The following CPNE8 variants were observed in gnomAD, a reference collection of about 807,000 sequenced individuals.
The protein encoded by CPNE8 is copine 8.
A neutral mutation model predicts 81.5 loss-of-function variants in CPNE8; 45 were observed. That is an observed-to-expected ratio of 0.55 (90% CI 0.44 to 0.71). The LOEUF (loss-of-function observed/expected upper bound fraction) is 0.71, where lower values mean the gene tolerates loss of function less well. Ranked by LOEUF, CPNE8 falls within the 30% of genes least tolerant of loss-of-function variation. The pLI is 0.00. For missense variants in CPNE8, 594 were observed against 672.1 expected (o/e 0.88, Z 1.28); for synonymous variants, 252 against 226.3 (o/e 1.11, Z -1.02).
At chr12:38,788,461 C>G (rs893534715) in intron 6 of CPNE8, among the ~76,000 whole-genome samples, 7 of 151,778 alleles carry the variant, frequency 4.6e-5, no homozygotes, top group African/African-American at 1.7e-4. Context: ...CATATTTCAA[C>G]ATAATAAAAG....
At chr12:38,773,706 A>G (rs1941859457) in intron 7 of CPNE8, among the ~76,000 whole-genome samples, 1 of 152,188 alleles carries the variant, frequency 6.6e-6, no homozygotes, top group Non-Finnish European at 1.5e-5. Flanking sequence ...TGCATTCAAC[A>G]TTATAAATAA....
chr12:38,794,525 T>C (rs1056243426), intron 6 of CPNE8, among the ~76,000 whole-genome samples: 4 of 151,820 alleles, frequency 2.6e-5, no homozygotes, highest in African/African-American at 7.3e-5. Context: ...AAAAGTGATA[T>C]ACAAATGGCC....
intron 3 of CPNE8, among the ~76,000 whole-genome samples, chr12:38,861,327 T>C (rs1463480408): frequency 6.6e-6 from 1 of 152,178 alleles, no homozygotes; most frequent in Non-Finnish European, 1.5e-5. Context: ...AATACTGTAC[T>C]GTACACTTAA....
At chr12:38,686,834 G>T (rs1194862379) in intron 15 of CPNE8, among the ~76,000 whole-genome samples, 1 of 152,174 alleles carries the variant, frequency 6.6e-6, no homozygotes, top group Non-Finnish European at 1.5e-5. Context: ...CCCAGATTGA[G>T]TGATCCCAGA....
At chr12:38,718,804 T>C (rs1296764142) in intron 13 of CPNE8, among the ~76,000 whole-genome samples, 1 of 152,174 alleles carries the variant, frequency 6.6e-6, no homozygotes, top group Non-Finnish European at 1.5e-5. Context: ...AAAAAATGTA[T>C]GTCACTAAAG....
intron 15 of CPNE8, among the ~76,000 whole-genome samples, chr12:38,688,611 G>GTC (rs1939595970): frequency 6.6e-6 from 1 of 151,792 alleles, no homozygotes; most frequent in African/African-American, 2.4e-5. Context: ...GTGTGTGTGT[G>GTC]TGTGTGTGTG....
chr12:38,797,783 A>T (rs1309660138), intron 6 of CPNE8, among the ~76,000 whole-genome samples: 1 of 152,160 alleles, frequency 6.6e-6, no homozygotes, highest in Non-Finnish European at 1.5e-5. Flanking sequence ...CCAATGGCAA[A>T]GAAGTTAAAA....
intron 6 of CPNE8, among the ~76,000 whole-genome samples, chr12:38,809,307 C>T (rs1486987087): frequency 2.0e-5 from 3 of 152,116 alleles, no homozygotes; most frequent in African/African-American, 7.2e-5. Context: ...CTCACGGTTT[C>T]CACGTGGCCT....
intron 6 of CPNE8, among the ~76,000 whole-genome samples, chr12:38,828,848 A>C (rs1306265194): frequency 6.6e-6 from 1 of 152,174 alleles, no homozygotes; most frequent in Non-Finnish European, 1.5e-5. Flanking sequence ...AACAGAATCA[A>C]CTCATGCAAT....
intron 10 of CPNE8, among the ~76,000 whole-genome samples, chr12:38,734,090 A>G (rs946721364): frequency 3.3e-5 from 5 of 152,006 alleles, no homozygotes; most frequent in Non-Finnish European, 7.4e-5. Flanking sequence ...TTCCTATATT[A>G]TATTAAACCC....
At chr12:38,828,040 G>A (rs1371630765) in intron 6 of CPNE8, among the ~76,000 whole-genome samples, 2 of 152,078 alleles carry the variant, frequency 1.3e-5, no homozygotes, top group Non-Finnish European at 1.5e-5. Context: ...TCTGTTGCTT[G>A]GAAATGAAAA....
intron 16 of CPNE8, among the ~76,000 whole-genome samples, chr12:38,677,928 T>C (rs919147268): frequency 6.6e-6 from 1 of 152,116 alleles, no homozygotes; most frequent in African/African-American, 2.4e-5. Flanking sequence ...TGAAAGTTAT[T>C]TTCTTAGCTT....
intron 6 of CPNE8, among the ~76,000 whole-genome samples, chr12:38,828,670 T>C (rs947318672): frequency 6.6e-6 from 1 of 152,170 alleles, no homozygotes; most frequent in Admixed American, 6.5e-5. Context: ...GCTTTTGAGA[T>C]TGTGGTTAAC....
At chr12:38,710,265 T>TACCAA (rs1555145896) in intron 13 of CPNE8, among the ~76,000 whole-genome samples, 1 of 1,446 alleles carries the variant, frequency 6.9e-4, no homozygotes, top group East Asian at 0.015. Flanking sequence ...CAAAATAAGC[T>TACCAA]AACAAAAAAA....
At chr12:38,794,797 T>A (rs896112789) in intron 6 of CPNE8, among the ~76,000 whole-genome samples, 13 of 152,182 alleles carry the variant, frequency 8.5e-5, no homozygotes, top group African/African-American at 3.1e-4. Flanking sequence ...CTTGATTGGT[T>A]GAAGAATACA....
intron 7 of CPNE8, among the ~76,000 whole-genome samples, chr12:38,769,798 T>G (rs983634562): frequency 3.3e-4 from 51 of 152,280 alleles, no homozygotes; most frequent in African/African-American, 1.1e-3. Context: ...CACTGGTAAA[T>G]GTAATACTAA....
At chr12:38,712,204 CA>C (rs1940276379) in intron 13 of CPNE8, among the ~76,000 whole-genome samples, 1 of 146,240 alleles carries the variant, frequency 6.8e-6, no homozygotes, top group South Asian at 2.1e-4. Flanking sequence ...GCAATGATGC[CA>C]TTTTTTTTTT....
intron 19 of CPNE8, among the ~76,000 whole-genome samples, chr12:38,656,806 C>G (rs1343901898): frequency 6.6e-6 from 1 of 152,122 alleles, no homozygotes; most frequent in African/African-American, 2.4e-5. Context: ...CTTAAAGGAT[C>G]CTCCGTAAGA....
chr12:38,865,756 AG>A (rs1943904298), intron 3 of CPNE8, among the ~76,000 whole-genome samples: 2 of 152,290 alleles, frequency 1.3e-5, no homozygotes, highest in South Asian at 4.1e-4. Context: ...TTTGATAAAA[AG>A]GTATATTAAA....
Sources: gnomAD v4.1 joint callset for allele counts (sites outside exome capture counted in the v4.1 genomes callset) on GRCh38, gnomAD v4.1.1 for gene constraint, MANE v1.5 for transcripts, NCBI Gene and HGNC (gene_info 2026-07-23, HGNC 2026-07-21) for gene names.